Variants in CNTNAP2 observed in about 807,000 individuals in gnomAD.
The protein encoded by CNTNAP2 is contactin-associated protein-like 2.
CNTNAP2 carries 98 observed loss-of-function variants against 155.2 expected under a neutral mutation model. The ratio of observed to expected loss-of-function variants is 0.63; its 90% CI spans 0.54 to 0.75. The LOEUF (loss-of-function observed/expected upper bound fraction) is 0.75, where lower values mean the gene tolerates loss of function less well. Among genes scored for constraint, CNTNAP2 ranks in the 30% least tolerant of loss-of-function variants. The probability of loss-of-function intolerance (pLI) is 0.00; values close to 1 mark genes in which losing one functional copy is unlikely to be tolerated. For missense variants in CNTNAP2, 1,727 were observed against 1,688.1 expected (o/e 1.02, Z -0.40); for synonymous variants, 651 against 631.2 (o/e 1.03, Z -0.47).
At chr7:146,932,189 A>T (rs1316663203) in intron 3 of CNTNAP2, among the ~76,000 whole-genome samples, 1 of 152,178 alleles carries the variant, frequency 6.6e-6, no homozygotes, top group African/African-American at 2.4e-5. Flanking sequence ...AAATCCTCAA[A>T]AAAATATTGG....
intron 13 of CNTNAP2, among the ~76,000 whole-genome samples, chr7:147,662,751 T>C (rs1044757258): frequency 6.6e-6 from 1 of 152,212 alleles, no homozygotes; most frequent in Admixed American, 6.5e-5. Context: ...TGGGGTGGTC[T>C]GCAAAATTTC....
intron 10 of CNTNAP2, among the ~76,000 whole-genome samples, chr7:147,465,347 G>A (rs1563214683): frequency 6.6e-6 from 1 of 152,208 alleles, no homozygotes; most frequent in Non-Finnish European, 1.5e-5. Flanking sequence ...TTTCATTTGA[G>A]ATTTCCCATC....
intron 10 of CNTNAP2, among the ~76,000 whole-genome samples, chr7:147,416,312 A>G (rs1268042284): frequency 6.6e-6 from 1 of 152,196 alleles, no homozygotes; most frequent in Non-Finnish European, 1.5e-5. Context: ...CTTGGACTGA[A>G]GACAAAGTGG....
intron 13 of CNTNAP2, among the ~76,000 whole-genome samples, chr7:147,775,887 T>C (rs1797576533): frequency 6.6e-6 from 1 of 152,112 alleles, no homozygotes; most frequent in South Asian, 2.1e-4. Flanking sequence ...AGTGATGACT[T>C]AGGGGAATAA....
At chr7:147,060,678 C>T (rs950882932) in intron 4 of CNTNAP2, among the ~76,000 whole-genome samples, 2 of 152,006 alleles carry the variant, frequency 1.3e-5, no homozygotes, top group African/African-American at 2.4e-5. Context: ...CTGGCTAACA[C>T]GGTGAAACCC....
chr7:147,222,811 G>GTTTT (rs35654327), intron 8 of CNTNAP2, among the ~76,000 whole-genome samples: 18 of 81,900 alleles, frequency 2.2e-4, no homozygotes, highest in East Asian at 7.1e-4. Flanking sequence ...GTTTCTCAGG[G>GTTTT]TTTTTTTTTT....
At chr7:148,086,232 T>C (rs937044997) in intron 15 of CNTNAP2, among the ~76,000 whole-genome samples, 14 of 152,314 alleles carry the variant, frequency 9.2e-5, no homozygotes, top group Middle Eastern at 3.4e-3. Flanking sequence ...AGACCTCTTT[T>C]GCTTTTAGAA....
chr7:147,627,502 C>G (rs974471279), intron 12 of CNTNAP2, among the ~76,000 whole-genome samples: 29 of 151,732 alleles, frequency 1.9e-4, no homozygotes, highest in Admixed American at 1.8e-3. Context: ...TCAAGACCAG[C>G]CTGGCCAACA....
chr7:147,724,232 A>G (rs79166058), intron 13 of CNTNAP2, among the ~76,000 whole-genome samples: 19,078 of 152,026 alleles, frequency 0.13, 1,373 homozygotes, highest in South Asian at 0.27. Flanking sequence ...CAGAGGCTGC[A>G]TACACCAATC....
intron 15 of CNTNAP2, among the ~76,000 whole-genome samples, chr7:147,987,168 C>CTGTAG (rs1386704709): frequency 6.6e-6 from 1 of 152,058 alleles, no homozygotes; most frequent in African/African-American, 2.4e-5. Context: ...GAGGTCAGGT[C>CTGTAG]CAATTACAAA....
At chr7:146,135,112 A>C (rs1416354989) in intron 1 of CNTNAP2, among the ~76,000 whole-genome samples, 1 of 152,120 alleles carries the variant, frequency 6.6e-6, no homozygotes, top group Admixed American at 6.6e-5. Flanking sequence ...TGATCTATGG[A>C]CCACACATTG....
At chr7:147,583,403 C>A (rs1008500580) in intron 12 of CNTNAP2, among the ~76,000 whole-genome samples, 5 of 151,186 alleles carry the variant, frequency 3.3e-5, no homozygotes, top group African/African-American at 1.2e-4. Flanking sequence ...TGACAATCAC[C>A]AACCACTTCT....
intron 2 of CNTNAP2, among the ~76,000 whole-genome samples, chr7:146,827,630 A>C (rs919927784): frequency 6.6e-6 from 1 of 152,030 alleles, no homozygotes; most frequent in Non-Finnish European, 1.5e-5. Context: ...TATTTCCAAA[A>C]TTCTGCAGAC....
chr7:146,357,004 C>T (rs557232688), intron 1 of CNTNAP2, among the ~76,000 whole-genome samples: 69 of 152,266 alleles, frequency 4.5e-4, no homozygotes, highest in East Asian at 3.3e-3. Context: ...GCAAAAACGA[C>T]AGCATCCAAC....
At chr7:148,122,536 G>A (rs1804621383) in intron 16 of CNTNAP2, among the ~76,000 whole-genome samples, 1 of 152,192 alleles carries the variant, frequency 6.6e-6, no homozygotes, top group African/African-American at 2.4e-5. Context: ...AGGTGCAGTG[G>A]GGAGGGGCAG....
At chr7:147,914,615 C>T (rs1218261326) in intron 14 of CNTNAP2, among the ~76,000 whole-genome samples, 1 of 151,706 alleles carries the variant, frequency 6.6e-6, no homozygotes, top group Non-Finnish European at 1.5e-5. Context: ...AGCTGAAATA[C>T]AGTGACATGA....
chr7:148,202,054 G>T (rs1795378085), intron 18 of CNTNAP2, among the ~76,000 whole-genome samples: 1 of 151,978 alleles, frequency 6.6e-6, no homozygotes, highest in Non-Finnish European at 1.5e-5. Flanking sequence ...CTGTTTCTTT[G>T]TAGGATTGGC....
intron 21 of CNTNAP2, among the ~76,000 whole-genome samples, chr7:148,278,926 G>C (rs917680587): frequency 2.0e-5 from 3 of 152,214 alleles, no homozygotes; most frequent in Admixed American, 6.5e-5. Flanking sequence ...TCCAGGAAGA[G>C]AGAATGGCAG....
intron 8 of CNTNAP2, among the ~76,000 whole-genome samples, chr7:147,261,047 C>T (rs1288417759): frequency 1.3e-5 from 2 of 152,182 alleles, no homozygotes; most frequent in African/African-American, 4.8e-5. Context: ...ATTTTACAGT[C>T]TCTGGCAATT....
Sources: allele counts gnomAD v4.1 joint callset (sites outside exome capture counted in the v4.1 genomes callset), GRCh38; gene constraint gnomAD v4.1.1; transcripts MANE v1.5; gene names NCBI Gene and HGNC (gene_info 2026-07-23, HGNC 2026-07-21).